FAM53C: variants seen among roughly 807,000 people sequenced by gnomAD.
FAM53C encodes family with sequence similarity 53 member C, also known as protein FAM53C.
FAM53C carries 10 observed loss-of-function variants against 34.7 expected under a neutral mutation model. That is an observed-to-expected ratio of 0.29 (90% confidence interval 0.18 to 0.49). The LOEUF is 0.49. FAM53C is among the 20% of genes least tolerant of loss of function. The pLI, the probability that FAM53C is intolerant of heterozygous loss-of-function variation, is 0.99. For missense variants in FAM53C, 442 were observed against 515.3 expected (o/e 0.86, Z 1.38); for synonymous variants, 203 against 203.6 (o/e 1.00, Z 0.03).
rs941364856 is a variant in FAM53C at position 138,347,216 on chromosome 5, C to G, written c.*257C>G. 12 of 518,102 alleles carry G rather than the reference C, an allele frequency of 2.3e-5. No individual in the cohort carries two copies. The highest frequency in any genetic ancestry group is 7.8e-5 in the African/African-American group (4 of 51,366). 32.1% of individuals were successfully genotyped at this position (518,102 alleles called of 1,614,324 possible). ...CTATGGCGGCCCTGAGTGTGAGTAT[C>G]CCTGCCACCAAGAGAGCAATGGGCA... On this transcript the variant is annotated 3_prime_UTR_variant, in exon 5 of 5. Coordinates refer to ENST00000239906, the MANE Select transcript of FAM53C (RefSeq NM_016605.3).
At chr5:138,340,498 CTTGGTTAA>C (rs1400587420) in intron 1 of FAM53C, among the ~76,000 whole-genome samples, 1 of 152,188 alleles carries the variant, frequency 6.6e-6, no homozygotes, top group African/African-American at 2.4e-5. Context: ...GAGAAAGAAT[CTTGGTTAA>C]CTGTATCCAT....
At position 138,349,100 on chromosome 5, in the gene FAM53C, T is replaced by C. The variant is rs945679544; in HGVS notation, c.*2141T>C. 2.6e-5 allele frequency: 4 copies of C among 152,336 alleles called. No homozygotes were observed. The highest frequency in any genetic ancestry group is 2.6e-4 in the Admixed American group (4 of 15,294). 9.4% of individuals were successfully genotyped at this position (152,336 alleles called of 1,614,324 possible). ...TTCCATTACTTTCAGTCTGGAAAAC[T>C]AAGCTAGTCAGAACTGTCATCTTGC... On this transcript the variant is annotated 3_prime_UTR_variant, in exon 5 of 5. Transcript: ENST00000239906.
intron 3 of FAM53C, among the ~76,000 whole-genome samples, chr5:138,343,180 T>G (rs746658446): frequency 3.9e-5 from 6 of 152,126 alleles, no homozygotes; most frequent in Non-Finnish European, 8.8e-5. Context: ...TCTATTGATG[T>G]GCATTTAGGT....
At chr5:138,344,636 T>C (rs1449802877) in intron 3 of FAM53C, among the ~76,000 whole-genome samples, 189 bp from the exon 4 acceptor site, 1 of 152,224 alleles carries the variant, frequency 6.6e-6, no homozygotes, top group Non-Finnish European at 1.5e-5. Flanking sequence ...TTTTGAGTGC[T>C]ATGTGATTTT....
At chr5:138,346,548 C>T (rs920906558) in intron 4 of FAM53C, among the ~76,000 whole-genome samples, 154 bp from the exon 5 acceptor site, 8 of 152,012 alleles carry the variant, frequency 5.3e-5, no homozygotes, top group African/African-American at 1.5e-4. Context: ...GGCGTGAACC[C>T]GGGAGGCAGA....
Position 138,346,827 on chromosome 5 carries a change from C to T in FAM53C, c.1047C>T (p.Ser349=), listed in dbSNP as rs1468124931. 3 of 1,614,154 alleles carry T rather than the reference C, an allele frequency of 1.9e-6. No individual in the cohort carries two copies. The highest frequency in any genetic ancestry group is 2.5e-6 in the Non-Finnish European group (3 of 1,180,034). ...CTTCCTGCAGCCCCACTGGGGGTTC[C>T]TCCCAGGTGCTGAGTGAAAGCGAAG... is the stretch of plus-strand genomic sequence containing the variant. ...LSASCSPTGG[S]SQVLSESEEE... Residue 349 remains serine, a synonymous_variant, in exon 5 of 5, where the codon TCC becomes TCT. Coordinates refer to ENST00000239906, the MANE Select transcript of FAM53C (RefSeq NM_016605.3).
intron 2 of FAM53C, 71 bp downstream of exon 2, chr5:138,341,484 CT>C: frequency 7.5e-7 from 1 of 1,330,906 alleles, no homozygotes; most frequent in Non-Finnish European, 1.1e-6. Context: ...GTTGCTATTA[CT>C]TTACTCTTGT....
At chr5:138,346,650 C>T (rs1429506373) in intron 4 of FAM53C, 52 bp from the exon 5 acceptor site, 1 of 1,607,724 alleles carries the variant, frequency 6.2e-7, no homozygotes, top group Non-Finnish European at 8.5e-7. Flanking sequence ...CAAACCTCAC[C>T]CTAAAGAATT....
chr5:138,347,350 T>C lies in FAM53C; in HGVS notation c.*391T>C, dbSNP rs1282630214. Reference sequence around the variant, plus strand: ...GCCAGGGTGGGGGGTTGAGTCAGCCTCCTCAGAGAAACTGCGTGAGAGTGT... The same window carrying C: ...GCCAGGGTGGGGGGTTGAGTCAGCCCCCTCAGAGAAACTGCGTGAGAGTGT... On this transcript the variant is annotated 3_prime_UTR_variant, in exon 5 of 5. Coordinates refer to ENST00000239906, the MANE Select transcript of FAM53C (RefSeq NM_016605.3). The C allele has an allele frequency of 3.6e-6, 1 of 279,864 alleles. No homozygotes were observed. The highest frequency in any genetic ancestry group is 6.9e-6 in the Non-Finnish European group (1 of 144,996). The allele number at this position is 279,864 out of a possible 1,614,324, so 17.3% of individuals were successfully genotyped here. A position where few individuals can be genotyped will look rare whatever the true frequency, so the allele number is the denominator to read the frequency against.
chr5:138,345,386 T>C lies in FAM53C; in HGVS notation c.698T>C (p.Leu233Pro), dbSNP rs1561744725. The C allele has an allele frequency of 6.2e-7, 1 of 1,614,112 alleles. No homozygotes were observed. Among genetic ancestry groups the C allele is most frequent in the Non-Finnish European group, 8.5e-7 (1 of 1,180,036 alleles). ...SPCPPQRRFS[L>P]SPSLGPQASR... is the part of the protein sequence containing the mutation. ...TGCCCACCTCAGCGCCGCTTCTCCC[T>C]GTCACCCAGTCTGGGCCCGCAGGCA... is the stretch of plus-strand genomic sequence containing the variant. Residue 233 changes from leucine (L) to proline (P), a missense_variant, in exon 4 of 5, where the codon CTG becomes CCG. Transcript: ENST00000239906. The surrounding 1 kb of genome is among the most constrained non-coding windows in gnomAD (Gnocchi z 6.3).
intron 2 of FAM53C, 132 bp downstream of exon 2, chr5:138,341,545 C>G (rs1358023933): frequency 3.7e-5 from 34 of 916,068 alleles, no homozygotes; most frequent in Non-Finnish European, 5.8e-5. Context: ...CCACTAATGG[C>G]TCAAAACCCA....
Position 138,346,899 on chromosome 5 carries a change from G to A in FAM53C, c.1119G>A (p.Lys373=). ...GGTGGGGTCGGCAGGCGCTGAGCAA[G>A]CGGACACTGTGCCAGCGGGACTTTG... ...AVRWGRQALS[K]RTLCQRDFGD... is the part of the protein sequence containing the mutation. The change falls in exon 5 of 5, where the codon AAG becomes AAA. Residue 373 remains lysine, a synonymous_variant. Transcript: ENST00000239906. 1 of 1,614,198 alleles carries A rather than the reference G, an allele frequency of 6.2e-7. No homozygotes were observed.
intron 1 of FAM53C, among the ~76,000 whole-genome samples, chr5:138,339,922 G>C (rs1760981334): frequency 6.6e-6 from 1 of 152,106 alleles, no homozygotes; most frequent in South Asian, 2.1e-4. Flanking sequence ...TTTGTAGAGT[G>C]ATCTGCCCCC....
At chr5:138,338,969 G>A (rs1381985691) in intron 1 of FAM53C, among the ~76,000 whole-genome samples, 1 of 152,174 alleles carries the variant, frequency 6.6e-6, no homozygotes, top group African/African-American at 2.4e-5. Context: ...AGGAGTGTCA[G>A]GGGTTACTGC....
In FAM53C at chr5:138,341,217, A is replaced by G. The variant is rs771691857; in HGVS notation, c.-119A>G. 4.0e-5 allele frequency: 34 copies of G among 851,514 alleles called. No homozygotes were observed. Among genetic ancestry groups the G allele is most frequent in the East Asian group, 2.4e-4 (10 of 40,958 alleles). The allele number at this position is 851,514 out of a possible 1,614,324, so 52.7% of individuals were successfully genotyped here. ...GGCATGACTGGAGAGGGAAGTCCCA[A>G]TGGTGCTAGAATGGTGCTGCAGTGG... is the stretch of plus-strand genomic sequence containing the variant. On this transcript the variant is annotated 5_prime_UTR_variant, in exon 2 of 5. The change abolishes an upstream ATG in the 5' untranslated region. Transcript: ENST00000239906.
intron 1 of FAM53C, among the ~76,000 whole-genome samples, chr5:138,339,205 G>T (rs1760941308): frequency 6.6e-6 from 1 of 152,158 alleles, no homozygotes; most frequent in South Asian, 2.1e-4. Flanking sequence ...AAATGGAAGG[G>T]GAAGGAAGGC....
chr5:138,348,836 C>T lies in FAM53C; in HGVS notation c.*1877C>T, dbSNP rs920800707. 3.3e-5 allele frequency: 5 copies of T among 152,332 alleles called. No individual in the cohort carries two copies. The highest frequency in any genetic ancestry group is 4.8e-5 in the African/African-American group (2 of 41,460). The allele number at this position is 152,332 out of a possible 1,614,324, so 9.4% of individuals were successfully genotyped here. ...TTTCATTCCTCCCCTGGCTCTTCTC[C>T]CTCTTCAGGCCATAATTTCCCTGGT... On this transcript the variant is annotated 3_prime_UTR_variant, in exon 5 of 5. Coordinates refer to ENST00000239906, the MANE Select transcript of FAM53C (RefSeq NM_016605.3).
chr5:138,340,750 A>C (rs1761012616), intron 1 of FAM53C, among the ~76,000 whole-genome samples: 1 of 152,232 alleles, frequency 6.6e-6, no homozygotes, highest in Non-Finnish European at 1.5e-5. Context: ...CTTGCCTACA[A>C]CCACTGTTCT....
rs747747219 is a variant in FAM53C, at chr5:138,346,915, C to A, written c.1135C>A (p.Arg379=). 6.2e-7 allele frequency: 1 copy of A among 1,614,100 alleles called. No individual in the cohort carries two copies. The highest frequency in any genetic ancestry group is 1.1e-5 in the South Asian group (1 of 91,080). ...GCTGAGCAAGCGGACACTGTGCCAG[C>A]GGGACTTTGGGGACCTGGACTTGAA... ...QALSKRTLCQ[R]DFGDLDLNLI... The change falls in exon 5 of 5, where the codon CGG becomes AGG. Residue 379 remains arginine (R), a synonymous_variant. Transcript: ENST00000239906.
Sources: gnomAD v4.1 joint callset for allele counts (sites outside exome capture counted in the v4.1 genomes callset) on GRCh38, gnomAD v4.1.1 for gene constraint, Gnocchi (gnomAD v3.1) non-coding constraint, MANE v1.5 for transcripts, NCBI Gene and HGNC (gene_info 2026-07-23, HGNC 2026-07-21) for gene names.